COBLL1: variants seen among roughly 807,000 people sequenced by gnomAD.
COBLL1 encodes the protein cordon-bleu WH2 repeat protein like 1.
COBLL1 carries 50 observed loss-of-function variants against 94.8 expected under a neutral mutation model. The ratio of observed to expected loss-of-function variants is 0.53; its 90% confidence interval spans 0.42 to 0.67. The LOEUF (loss-of-function observed/expected upper bound fraction) is 0.67, where lower values mean the gene tolerates loss of function less well. Ranked by LOEUF, COBLL1 falls within the 30% of genes least tolerant of loss-of-function variation. COBLL1 has a pLI of 0.00. For synonymous variants in COBLL1, 448 were observed against 473.8 expected, an observed-to-expected ratio of 0.95 and a Z score of 0.71; for missense variants, 1,362 against 1,348.7, an observed-to-expected ratio of 1.01 and a Z score of -0.15.
At chr2:164,805,592 C>T (rs1417012269) in intron 2 of COBLL1, among the ~76,000 whole-genome samples, 2 of 151,348 alleles carry the variant, frequency 1.3e-5, no homozygotes, top group African/African-American at 4.9e-5. Flanking sequence ...TAGTATGTAG[C>T]CTTTTCAGTT....
intron 5 of COBLL1, chr2:164,725,107 T>TAC (rs1685650141): frequency 1.1e-5 from 1 of 89,762 alleles, no homozygotes; most frequent in African/African-American, 6.7e-5. Context: ...GCAGGATATA[T>TAC]ATATATATAT....
intron 2 of COBLL1, among the ~76,000 whole-genome samples, chr2:164,803,646 CATCT>C (rs1280599720): frequency 6.6e-6 from 1 of 151,522 alleles, no homozygotes; most frequent in Non-Finnish European, 1.5e-5. Context: ...GCTTATAATC[CATCT>C]ATTTTTAGAT....
intron 2 of COBLL1, among the ~76,000 whole-genome samples, chr2:164,750,848 T>C (rs1335178678): frequency 2.0e-5 from 3 of 152,102 alleles, no homozygotes; most frequent in African/African-American, 7.2e-5. Context: ...ATCAGAAACA[T>C]TAAGGGCAGG....
At chr2:164,726,391 CT>C (rs1685725460) in intron 5 of COBLL1, among the ~76,000 whole-genome samples, 1 of 151,850 alleles carries the variant, frequency 6.6e-6, no homozygotes, top group Non-Finnish European at 1.5e-5. Context: ...TTATTTGAGA[CT>C]TTTTCTTAAT....
At chr2:164,821,934 T>A (rs1217320945) in intron 2 of COBLL1, among the ~76,000 whole-genome samples, 1 of 152,204 alleles carries the variant, frequency 6.6e-6, no homozygotes, top group African/African-American at 2.4e-5. Flanking sequence ...TGTTAACTTT[T>A]CCTATGGCTG....
chr2:164,709,284 A>C (rs1684762599), intron 7 of COBLL1, among the ~76,000 whole-genome samples: 1 of 152,196 alleles, frequency 6.6e-6, no homozygotes, highest in Non-Finnish European at 1.5e-5. Context: ...TGAAAACACA[A>C]AGCCATGGAC....
At chr2:164,719,505 A>G (rs1574466984) in intron 7 of COBLL1, among the ~76,000 whole-genome samples, 1 of 152,010 alleles carries the variant, frequency 6.6e-6, no homozygotes, top group African/African-American at 2.4e-5. Flanking sequence ...ATTAGGGAGA[A>G]CCCTCCCTTG....
intron 2 of COBLL1, among the ~76,000 whole-genome samples, chr2:164,658,254 C>T (rs188150266): frequency 6.6e-6 from 1 of 152,146 alleles, no homozygotes; most frequent in Admixed American, 6.5e-5. Context: ...TCAGTCCCCC[C>T]TCTCAACAGG....
Position 164,795,700 on chromosome 2 carries a change from C to T in COBLL1, c.41+45456G>A, listed in dbSNP as rs1347081311. The stretch of plus-strand genomic sequence containing the variant: ...AGACTAAAGGCACCACATTAGGAAA[C>T]GTAAAATAATACATCCGTAGTCTTA... On this transcript the variant is annotated intron_variant, in intron 2 of 13. Transcript: ENST00000652658. Among the ~76,000 whole-genome samples the T allele has an allele frequency of 2.6e-5, 4 of 151,936 alleles. No individual in the cohort carries two copies. The South Asian group carries it at 8.3e-4, about 32-fold the overall frequency.
At chr2:164,822,153 T>C (rs1354143844) in intron 2 of COBLL1, among the ~76,000 whole-genome samples, 1 of 152,172 alleles carries the variant, frequency 6.6e-6, no homozygotes, top group Non-Finnish European at 1.5e-5. Flanking sequence ...TTGTCCAAAA[T>C]CTCATAACTG....
At chr2:164,761,717 G>A (rs966182565) in intron 2 of COBLL1, among the ~76,000 whole-genome samples, 4 of 152,078 alleles carry the variant, frequency 2.6e-5, no homozygotes, top group South Asian at 2.1e-4. Context: ...TCCTTTGTTC[G>A]ATATAATTCA....
At chr2:164,707,271 G>A (rs1259322120) in intron 7 of COBLL1, among the ~76,000 whole-genome samples, 3 of 152,068 alleles carry the variant, frequency 2.0e-5, no homozygotes, top group African/African-American at 2.4e-5. Context: ...CTCCTGAGTA[G>A]CTGGGATTTC....
At chr2:164,700,823 A>G in intron 9 of COBLL1, 67 bp from the exon 10 acceptor site, 1 of 956,424 alleles carries the variant, frequency 1.0e-6, no homozygotes, top group Non-Finnish European at 1.6e-6. Flanking sequence ...AATTCTGGCA[A>G]GGAAGGAATT....
downstream of COBLL1, among the ~76,000 whole-genome samples, chr2:164,679,683 G>A (rs1044251394): frequency 6.7e-6 from 1 of 149,772 alleles, no homozygotes; most frequent in African/African-American, 2.5e-5. Flanking sequence ...AAATAATGCC[G>A]TGTTCCAAGA....
In COBLL1 at chr2:164,695,847, A is replaced by C. The variant is rs757832927; in HGVS notation, c.1556-11T>G. ...TTTCATTTTGAACTACTGAGAGAAA[A>C]AAATCATCAAGTTAAATATATGAAA... On this transcript the variant is annotated splice_polypyrimidine_tract_variant and intron_variant, in intron 11 of 13. Coordinates refer to ENST00000652658, the MANE Select transcript of COBLL1 (RefSeq NM_001365672.2). 6.5e-7 allele frequency: 1 copy of C among 1,531,556 alleles called. No homozygotes were observed. Among genetic ancestry groups the C allele is most frequent in the Non-Finnish European group, 8.7e-7 (1 of 1,143,656 alleles). 94.9% of individuals were successfully genotyped at this position (1,531,556 alleles called of 1,614,324 possible).
intron 3 of COBLL1, among the ~76,000 whole-genome samples, chr2:164,742,069 G>A (rs1205903220): frequency 6.6e-6 from 1 of 152,066 alleles, no homozygotes; most frequent in African/African-American, 2.4e-5. Context: ...TTCCAGAGTT[G>A]AGGAAACAGA....
At chr2:164,669,595 T>A (rs548341121) in intron 1 of COBLL1, among the ~76,000 whole-genome samples, 1 of 152,342 alleles carries the variant, frequency 6.6e-6, no homozygotes, top group East Asian at 1.9e-4. Flanking sequence ...AGAAATGGAC[T>A]GAATGTGAAG....
chr2:164,702,953 C>T (rs1218455577), intron 9 of COBLL1: 4 of 622,314 alleles, frequency 6.4e-6, no homozygotes, highest in African/African-American at 1.9e-5. Context: ...AAACTCTACA[C>T]CCAGATAAAA....
chr2:164,758,414 C>A (rs1474261725), intron 2 of COBLL1, among the ~76,000 whole-genome samples: 1 of 151,968 alleles, frequency 6.6e-6, no homozygotes, highest in South Asian at 2.1e-4. Flanking sequence ...ATAGAAATGA[C>A]CAAATAACTT....
Sources: gnomAD v4.1 joint callset for allele counts (sites outside exome capture counted in the v4.1 genomes callset) on GRCh38, gnomAD v4.1.1 for gene constraint, MANE v1.5 for transcripts, NCBI Gene and HGNC (gene_info 2026-07-23, HGNC 2026-07-21) for gene names.